Variants in GLIS3 observed in about 807,000 individuals in gnomAD.
The protein encoded by GLIS3 is GLIS family zinc finger 3.
In GLIS3, 53 loss-of-function variants were observed where a neutral mutation model predicts 78.6. That is an observed-to-expected ratio of 0.67 (90% CI 0.54 to 0.85). The LOEUF is 0.85. Ranked by LOEUF, GLIS3 falls within the 40% of genes least tolerant of loss-of-function variation. GLIS3 has a pLI of 0.00. For synonymous variants in GLIS3, 684 were observed against 509.9 expected (o/e 1.34, Z -4.60); for missense variants, 1,703 against 1,231.1 (o/e 1.38, Z -5.74).
chr9:4,403,299 C>G, the GLIS3 span, among the ~76,000 whole-genome samples: 2 of 152,144 alleles, frequency 1.3e-5, no homozygotes, highest in Non-Finnish European at 2.9e-5. Context: ...CTCTCCTACA[C>G]AAAATGCTAA....
At chr9:4,307,210 C>G (rs1817248720) in intron 4 of GLIS3, among the ~76,000 whole-genome samples, 1 of 152,142 alleles carries the variant, frequency 6.6e-6, no homozygotes, top group South Asian at 2.1e-4. Context: ...CCTCCCTTGG[C>G]TCCAGGGCAC....
At chr9:4,475,345 T>C in the GLIS3 span, among the ~76,000 whole-genome samples, 1 of 152,244 alleles carries the variant, frequency 6.6e-6, no homozygotes, top group African/African-American at 2.4e-5. Context: ...TTAAATATTA[T>C]GAAAAGGTGC....
chr9:4,363,286 G>A, the GLIS3 span, among the ~76,000 whole-genome samples: 1 of 152,160 alleles, frequency 6.6e-6, no homozygotes, highest in Non-Finnish European at 1.5e-5. Flanking sequence ...AGCCAGGTGT[G>A]GTGGCACATG....
At chr9:3,886,396 G>C (rs891715209) in intron 7 of GLIS3, among the ~76,000 whole-genome samples, 3 of 152,118 alleles carry the variant, frequency 2.0e-5, no homozygotes, top group Non-Finnish European at 4.4e-5. Context: ...AACCCATAAT[G>C]CATTTCAGTT....
intron 2 of GLIS3, among the ~76,000 whole-genome samples, chr9:4,180,623 C>G (rs1817229755): frequency 6.6e-6 from 1 of 152,156 alleles, no homozygotes; most frequent in Non-Finnish European, 1.5e-5. Flanking sequence ...TGTGTCCATC[C>G]TGCTCCATGA....
chr9:4,290,822 G>GT lies in GLIS3; in HGVS notation c.-98-4300_-98-4299insA, dbSNP rs1815893755. ...TTCTTGTCTGCAATTTTAACCAGAG[G>GT]AAAGTGCAAACATGTGCCTGTGAAA... is the stretch of plus-strand genomic sequence containing the variant. On this transcript the variant is annotated intron_variant, in intron 1 of 10. Coordinates refer to ENST00000381971, the MANE Select transcript of GLIS3 (RefSeq NM_001042413.2). Among the ~76,000 whole-genome samples, 2 of 152,098 alleles carry GT rather than the reference G, an allele frequency of 1.3e-5. 1 individual carries two copies. The highest frequency in any genetic ancestry group is 3.8e-4 in the East Asian group (2 of 5,206).
chr9:4,488,651 C>T, the GLIS3 span, among the ~76,000 whole-genome samples: 1 of 152,154 alleles, frequency 6.6e-6, no homozygotes, highest in African/African-American at 2.4e-5. Context: ...TCCCGAATAG[C>T]TGGGATTACA....
intron 4 of GLIS3, among the ~76,000 whole-genome samples, chr9:3,983,965 T>C (rs570892956): frequency 6.6e-6 from 1 of 152,176 alleles, no homozygotes; most frequent in East Asian, 1.9e-4. Flanking sequence ...CCAAAGACAA[T>C]GGGGAAAATG....
intron 4 of GLIS3, among the ~76,000 whole-genome samples, chr9:4,090,236 T>A (rs988226688): frequency 6.6e-6 from 1 of 152,162 alleles, no homozygotes; most frequent in Non-Finnish European, 1.5e-5. Context: ...AACACTAGAT[T>A]TCTCCTTAGT....
At chr9:4,113,425 G>C (rs1261651570) in intron 4 of GLIS3, among the ~76,000 whole-genome samples, 1 of 152,082 alleles carries the variant, frequency 6.6e-6, no homozygotes, top group Non-Finnish European at 1.5e-5. Context: ...CTCCAAAGTG[G>C]TTACACCAAT....
upstream of GLIS3, among the ~76,000 whole-genome samples, chr9:4,353,191 G>A (rs1479357657): frequency 1.3e-5 from 2 of 152,126 alleles, no homozygotes; most frequent in African/African-American, 4.8e-5. Flanking sequence ...GCCATTAAAG[G>A]CTAAAACTTG....
At position 4,239,281 on chromosome 9, in the gene GLIS3, A is replaced by T. The variant is rs371193050; in HGVS notation, c.388+46757T>A. On this transcript the variant is annotated intron_variant, in intron 2 of 10. Coordinates refer to ENST00000381971, the MANE Select transcript of GLIS3 (RefSeq NM_001042413.2). ...ATGTATACATATGTAACAAACCTGC[A>T]CGTTGTGCACATGTACCCTAAAACT... 1.6e-4 allele frequency among the ~76,000 whole-genome samples: 25 copies of T among 151,794 alleles called. No individual in the cohort carries two copies. In the South Asian group the frequency reaches 1.7e-3, roughly 10 times the overall value.
At position 4,117,853 on chromosome 9, in the gene GLIS3, G is replaced by C. The variant is rs753113229; in HGVS notation, c.1625C>G (p.Pro542Arg). The C allele has an allele frequency of 6.2e-7, 1 of 1,614,008 alleles. No individual in the cohort carries two copies. The highest frequency in any genetic ancestry group is 1.3e-5 in the African/African-American group (1 of 74,898). ...EDFTCFWAGC[P>R]RRYKPFNARY... ...GGCGTTGAAGGGCTTGTATCTTCGAGGGCAACCGGCCCAGAAGCAAGTGAA... is the reference window on the plus strand; with the variant it reads ...GGCGTTGAAGGGCTTGTATCTTCGACGGCAACCGGCCCAGAAGCAAGTGAA... Residue 542 changes from proline to arginine, a missense_variant, in exon 4 of 11, where the codon CCT becomes CGT. Physicochemically the swap from Pro to Arg is moderately radical, Grantham distance 103. Coordinates refer to ENST00000381971, the MANE Select transcript of GLIS3 (RefSeq NM_001042413.2).
intron 2 of GLIS3, among the ~76,000 whole-genome samples, chr9:4,211,770 A>G (rs994791836): frequency 1.3e-5 from 2 of 152,256 alleles, no homozygotes; most frequent in South Asian, 4.1e-4. Flanking sequence ...GACAACCCAA[A>G]TGTCCACCAA....
intron 8 of GLIS3, among the ~76,000 whole-genome samples, chr9:3,867,106 G>A (rs1820637006): frequency 6.6e-6 from 1 of 152,204 alleles, no homozygotes; most frequent in Admixed American, 6.5e-5. Flanking sequence ...GTTTTTAACA[G>A]TAAGTTGAAG....
the GLIS3 span, among the ~76,000 whole-genome samples, chr9:4,384,905 A>C: frequency 0.012 from 1,886 of 152,174 alleles, 41 homozygotes; most frequent in African/African-American, 0.043. Context: ...ACACTGTTGC[A>C]CAACATTGGG....
At chr9:4,279,110 G>A (rs560127191) in intron 2 of GLIS3, among the ~76,000 whole-genome samples, 2 of 151,870 alleles carry the variant, frequency 1.3e-5, no homozygotes, top group Admixed American at 6.6e-5. Flanking sequence ...GACCAGCCTG[G>A]CCAAGATGGT....
chr9:4,224,090 G>T (rs949721293), intron 2 of GLIS3, among the ~76,000 whole-genome samples: 7 of 151,782 alleles, frequency 4.6e-5, no homozygotes, highest in Admixed American at 6.6e-5. Context: ...CTGAGACAAA[G>T]AAAGCTTGCA....
At chr9:4,248,682 T>A (rs1014963161) in intron 2 of GLIS3, among the ~76,000 whole-genome samples, 2 of 152,220 alleles carry the variant, frequency 1.3e-5, no homozygotes, top group African/African-American at 4.8e-5. Context: ...TCCACATGGT[T>A]GAACTAATTT....
Sources: allele counts gnomAD v4.1 joint callset (sites outside exome capture counted in the v4.1 genomes callset), GRCh38; gene constraint gnomAD v4.1.1; transcripts MANE v1.5; gene names NCBI Gene and HGNC (gene_info 2026-07-23, HGNC 2026-07-21).